The following SCFD2 variants were observed in gnomAD, a reference collection of about 807,000 sequenced individuals.
SCFD2 encodes the protein sec1 family domain-containing protein 2.
Under a neutral mutation model 58.9 loss-of-function variants are expected in SCFD2, and 54 were observed. The observed-to-expected ratio is 0.92, with a 90% CI of 0.74 to 1.15. The LOEUF is 1.15. SCFD2 is among the 50% of genes most tolerant of loss of function. The pLI, the probability that SCFD2 is intolerant of heterozygous loss-of-function variation, is 0.00. For missense variants in SCFD2, 805 were observed against 836.6 expected (o/e 0.96, Z 0.47); for synonymous variants, 321 against 335.9 (o/e 0.96, Z 0.49).
chr4:53,171,424 A>G lies in SCFD2; in HGVS notation c.1312-25842T>C, dbSNP rs1727174168. Reference sequence around the variant, plus strand: ...GTTGAATTCAGTTTGCTACTACTGCATTTTGTTAAGAATGATTGTGTCTGT... The same window carrying G: ...GTTGAATTCAGTTTGCTACTACTGCGTTTTGTTAAGAATGATTGTGTCTGT... On this transcript the variant is annotated intron_variant, in intron 4 of 8. Transcript: ENST00000401642. 5.3e-5 allele frequency among the ~76,000 whole-genome samples: 8 copies of G among 152,286 alleles called. No individual in the cohort carries two copies. In the South Asian group the frequency reaches 1.7e-3, roughly 32 times the overall value.
chr4:53,009,070 C>T (rs1396151817), intron 5 of SCFD2, among the ~76,000 whole-genome samples: 10 of 152,186 alleles, frequency 6.6e-5, no homozygotes, highest in Admixed American at 5.2e-4. Context: ...TCCCAACTAC[C>T]TTTGACGAAC....
intron 4 of SCFD2, among the ~76,000 whole-genome samples, chr4:53,254,559 G>A (rs889846821): frequency 2.0e-5 from 3 of 149,244 alleles, no homozygotes; most frequent in African/African-American, 7.4e-5. Flanking sequence ...GGCTGGTCTC[G>A]AACCCCTGAC....
intron 5 of SCFD2, among the ~76,000 whole-genome samples, chr4:53,100,574 A>C (rs1444045113): frequency 6.6e-6 from 1 of 152,180 alleles, no homozygotes; most frequent in Admixed American, 6.5e-5. Context: ...GTTCTATATT[A>C]CAAATTCTTA....
intron 5 of SCFD2, among the ~76,000 whole-genome samples, chr4:52,955,028 C>T (rs1249136226): frequency 6.6e-6 from 1 of 152,226 alleles, no homozygotes; most frequent in Non-Finnish European, 1.5e-5. Flanking sequence ...ATTCTTGAGA[C>T]TTTCCTCACT....
chr4:53,290,546 T>A (rs955932841), intron 3 of SCFD2, among the ~76,000 whole-genome samples: 1 of 152,018 alleles, frequency 6.6e-6, no homozygotes, highest in African/African-American at 2.4e-5. Flanking sequence ...AGCCTAACAT[T>A]ATACCTCAAG....
intron 7 of SCFD2, among the ~76,000 whole-genome samples, chr4:52,898,891 C>A (rs543536309): frequency 2.0e-4 from 31 of 152,238 alleles, no homozygotes; most frequent in African/African-American, 7.5e-4. Context: ...TGCATTGATC[C>A]CTTTACCACT....
At chr4:53,132,389 T>C (rs1482176948) in intron 5 of SCFD2, among the ~76,000 whole-genome samples, 2 of 152,122 alleles carry the variant, frequency 1.3e-5, no homozygotes, top group East Asian at 3.9e-4. Flanking sequence ...AGAGAAAAAA[T>C]AGACCCTATT....
At chr4:53,229,931 A>C (rs1476617159) in intron 4 of SCFD2, among the ~76,000 whole-genome samples, 1 of 152,228 alleles carries the variant, frequency 6.6e-6, no homozygotes, top group Non-Finnish European at 1.5e-5. Flanking sequence ...ACAAGAAAAA[A>C]ACAAACAACC....
At chr4:53,329,910 G>A (rs1384310940) in intron 2 of SCFD2, among the ~76,000 whole-genome samples, 1 of 152,006 alleles carries the variant, frequency 6.6e-6, no homozygotes, top group Non-Finnish European at 1.5e-5. Context: ...AGGAGCTGAT[G>A]CAGCTGAAAA....
chr4:53,308,286 C>T (rs994070155), intron 3 of SCFD2, among the ~76,000 whole-genome samples: 1 of 152,144 alleles, frequency 6.6e-6, no homozygotes, highest in Non-Finnish European at 1.5e-5. Context: ...ATTGTGGTAT[C>T]AACTAATATA....
intron 5 of SCFD2, among the ~76,000 whole-genome samples, chr4:53,131,765 A>T (rs1397515343): frequency 6.6e-6 from 1 of 152,172 alleles, no homozygotes; most frequent in Non-Finnish European, 1.5e-5. Flanking sequence ...ACATCACATG[A>T]TCTCTCCAAT....
At chr4:52,888,880 C>T (rs1560470848) in intron 7 of SCFD2, among the ~76,000 whole-genome samples, 2 of 152,174 alleles carry the variant, frequency 1.3e-5, no homozygotes, top group South Asian at 2.1e-4. Flanking sequence ...CTCTATTGAG[C>T]TCCTGTGGAC....
intron 4 of SCFD2, among the ~76,000 whole-genome samples, chr4:53,197,531 C>T (rs1016397730): frequency 1.3e-5 from 2 of 151,990 alleles, no homozygotes; most frequent in African/African-American, 2.4e-5. Context: ...GCCTAACCTG[C>T]TTTCTTACCA....
At chr4:52,883,881 T>G (rs1692010636) in intron 8 of SCFD2, among the ~76,000 whole-genome samples, 1 of 152,102 alleles carries the variant, frequency 6.6e-6, no homozygotes, top group Non-Finnish European at 1.5e-5. Flanking sequence ...ATGGTCATAG[T>G]CAAAAACTGG....
intron 4 of SCFD2, among the ~76,000 whole-genome samples, chr4:53,209,771 T>TAA (rs879825318): frequency 3.4e-5 from 5 of 145,814 alleles, no homozygotes; most frequent in Non-Finnish European, 6.1e-5. Flanking sequence ...CTTTCTCCAT[T>TAA]AAAAAAAAAA....
At chr4:53,157,406 G>A (rs1277707046) in intron 4 of SCFD2, among the ~76,000 whole-genome samples, 1 of 152,056 alleles carries the variant, frequency 6.6e-6, no homozygotes, top group Non-Finnish European at 1.5e-5. Flanking sequence ...CATCAAACAA[G>A]GATATCCACA....
At chr4:52,948,150 T>A (rs562499188) in intron 5 of SCFD2, 3 of 174,548 alleles carry the variant, frequency 1.7e-5, no homozygotes, top group East Asian at 3.2e-4. Flanking sequence ...GGTGGGAGAG[T>A]GTAGTGTTGT....
At chr4:53,346,664 TCTC>T (rs1734067581) in intron 2 of SCFD2, among the ~76,000 whole-genome samples, 1 of 152,146 alleles carries the variant, frequency 6.6e-6, no homozygotes, top group South Asian at 2.1e-4. Flanking sequence ...TCAGGGCACA[TCTC>T]CTACTCTCAA....
At chr4:53,087,808 C>T (rs1222062734) in intron 5 of SCFD2, among the ~76,000 whole-genome samples, 3 of 151,696 alleles carry the variant, frequency 2.0e-5, no homozygotes, top group African/African-American at 4.8e-5. Context: ...TTACAGGCAC[C>T]CACCACCGTG....
Sources: gnomAD v4.1 joint callset for allele counts (sites outside exome capture counted in the v4.1 genomes callset) on GRCh38, gnomAD v4.1.1 for gene constraint, MANE v1.5 for transcripts, NCBI Gene and HGNC (gene_info 2026-07-23, HGNC 2026-07-21) for gene names.